MAGI2: variants seen among roughly 807,000 people sequenced by gnomAD.
The protein encoded by MAGI2 is membrane associated guanylate kinase, WW and PDZ domain containing 2, also known as membrane-associated guanylate kinase, WW and PDZ domain-containing protein 2.
Under a neutral mutation model 133.3 loss-of-function variants are expected in MAGI2, and 35 were observed. That is an observed-to-expected ratio of 0.26 (90% confidence interval 0.20 to 0.35). The LOEUF (loss-of-function observed/expected upper bound fraction) is 0.35, where lower values mean the gene tolerates loss of function less well. MAGI2 is among the 10% of genes least tolerant of loss of function. The pLI is 1.00. For missense variants in MAGI2, 1,636 were observed against 1,863.4 expected (o/e 0.88, Z 2.25); for synonymous variants, 729 against 710.6 (o/e 1.03, Z -0.41).
Position 78,778,727 on chromosome 7 carries a change from T to G in MAGI2, c.419-151488A>C, listed in dbSNP as rs866039262. On this transcript the variant is annotated intron_variant, in intron 2 of 21. Transcript: ENST00000354212. ...TTGAATCAAATTCTACCACAAACTG[T>G]GTGACTTTGGGCAAGATAACTTAAT... 3.3e-5 allele frequency among the ~76,000 whole-genome samples: 5 copies of G among 152,284 alleles called. 1 individual carries two copies. Among genetic ancestry groups the G allele is most frequent in the South Asian group, 4.1e-4 (2 of 4,826 alleles).
At chr7:78,655,797 C>G (rs1041520006) in intron 2 of MAGI2, among the ~76,000 whole-genome samples, 1 of 151,742 alleles carries the variant, frequency 6.6e-6, no homozygotes, top group Non-Finnish European at 1.5e-5. Flanking sequence ...CTGGCTAACA[C>G]GGTGAAACCC....
intron 2 of MAGI2, among the ~76,000 whole-genome samples, chr7:78,948,215 G>A (rs1164080190): frequency 5.3e-5 from 8 of 151,782 alleles, no homozygotes; most frequent in Non-Finnish European, 1.2e-4. Flanking sequence ...GAACACCTGA[G>A]TCACTTCATT....
At chr7:78,598,290 A>G (rs1804827762) in intron 3 of MAGI2, among the ~76,000 whole-genome samples, 1 of 152,134 alleles carries the variant, frequency 6.6e-6, no homozygotes, top group Admixed American at 6.5e-5. Context: ...ATAAGAGGGG[A>G]TTAGCAAAGG....
At chr7:78,613,835 GC>G (rs1161930343) in intron 3 of MAGI2, among the ~76,000 whole-genome samples, 1 of 152,186 alleles carries the variant, frequency 6.6e-6, no homozygotes, top group Non-Finnish European at 1.5e-5. Flanking sequence ...GAGGCCTGGT[GC>G]AGTGGCTCAT....
intron 1 of MAGI2, among the ~76,000 whole-genome samples, chr7:79,069,086 G>A (rs1034613686): frequency 1.3e-5 from 2 of 152,032 alleles, no homozygotes; most frequent in Non-Finnish European, 2.9e-5. Context: ...TTGATTTGGG[G>A]TAGAGAGTTC....
intron 9 of MAGI2, among the ~76,000 whole-genome samples, chr7:78,323,873 C>T (rs972154965): frequency 6.6e-6 from 1 of 152,078 alleles, no homozygotes; most frequent in Non-Finnish European, 1.5e-5. Context: ...GATATATTTG[C>T]TGGCTTTTTT....
intron 2 of MAGI2, among the ~76,000 whole-genome samples, chr7:78,864,022 G>C (rs907655488): frequency 2.0e-5 from 3 of 152,198 alleles, no homozygotes; most frequent in Non-Finnish European, 4.4e-5. Flanking sequence ...TACAAGGTAA[G>C]AGTTAAGCTT....
intron 1 of MAGI2, among the ~76,000 whole-genome samples, chr7:79,232,766 T>G (rs1344983886): frequency 2.7e-5 from 3 of 110,610 alleles, no homozygotes; most frequent in South Asian, 3.6e-4. Flanking sequence ...ATTAATTTTT[T>G]GAAGGGTTTT....
intron 1 of MAGI2, among the ~76,000 whole-genome samples, chr7:79,181,396 T>G (rs115916112): frequency 0.047 from 7,218 of 152,014 alleles, 390 homozygotes; most frequent in East Asian, 0.16. Context: ...CTACCAAGAC[T>G]TGGGGCTTGT....
intron 2 of MAGI2, among the ~76,000 whole-genome samples, chr7:78,657,059 C>T (rs918155188): frequency 6.7e-6 from 1 of 148,472 alleles, no homozygotes; most frequent in African/African-American, 2.5e-5. Context: ...CAGGAGATGG[C>T]AAATAAGAAT....
intron 2 of MAGI2, among the ~76,000 whole-genome samples, chr7:78,753,851 C>T (rs942541983): frequency 1.3e-5 from 2 of 152,016 alleles, no homozygotes; most frequent in Admixed American, 6.6e-5. Context: ...GCTAAATTCT[C>T]CTCAGAGACA....
At chr7:79,184,249 C>A (rs1249432703) in intron 1 of MAGI2, among the ~76,000 whole-genome samples, 1 of 150,836 alleles carries the variant, frequency 6.6e-6, no homozygotes, top group Non-Finnish European at 1.5e-5. Context: ...CATTGTATCC[C>A]CAAAATATAT....
At chr7:78,472,364 T>G (rs931294526) in intron 6 of MAGI2, among the ~76,000 whole-genome samples, 37 of 152,046 alleles carry the variant, frequency 2.4e-4, no homozygotes, top group African/African-American at 8.7e-4. Flanking sequence ...TCAACAACTT[T>G]CAAGATAAAA....
At chr7:78,557,161 C>T (rs1799929674) in intron 3 of MAGI2, among the ~76,000 whole-genome samples, 1 of 150,678 alleles carries the variant, frequency 6.6e-6, no homozygotes. Context: ...TTTTAATTTG[C>T]CCAAGTACAC....
intron 1 of MAGI2, among the ~76,000 whole-genome samples, chr7:79,437,454 C>T (rs1848226458): frequency 6.6e-6 from 1 of 152,028 alleles, no homozygotes; most frequent in Admixed American, 6.6e-5. Context: ...TGCATACACA[C>T]ACATATATAT....
intron 17 of MAGI2, 58 bp downstream of exon 17, chr7:78,134,963 C>A (rs1047001269): frequency 1.1e-5 from 16 of 1,512,462 alleles, no homozygotes; most frequent in Admixed American, 1.7e-5. Context: ...GCTGAGAACA[C>A]CCGGTGAGTG....
At chr7:78,592,132 A>G (rs924193174) in intron 3 of MAGI2, among the ~76,000 whole-genome samples, 2 of 152,226 alleles carry the variant, frequency 1.3e-5, no homozygotes, top group Non-Finnish European at 2.9e-5. Flanking sequence ...AACACAAGGA[A>G]AGAAAGTTGC....
At chr7:78,831,106 G>A (rs1791107586) in intron 2 of MAGI2, among the ~76,000 whole-genome samples, 1 of 152,204 alleles carries the variant, frequency 6.6e-6, no homozygotes, top group South Asian at 2.1e-4. Context: ...AAGGACATAA[G>A]TTTGGAAGAT....
chr7:79,150,634 G>A (rs562368430), intron 1 of MAGI2, among the ~76,000 whole-genome samples: 54 of 152,090 alleles, frequency 3.6e-4, no homozygotes, highest in African/African-American at 1.3e-3. Context: ...TGTTGATTGT[G>A]GAATAAATGT....
Sources: gnomAD v4.1 joint callset for allele counts (sites outside exome capture counted in the v4.1 genomes callset) on GRCh38, gnomAD v4.1.1 for gene constraint, MANE v1.5 for transcripts, NCBI Gene and HGNC (gene_info 2026-07-23, HGNC 2026-07-21) for gene names.